The following GSDMC variants were observed in gnomAD, a reference collection of about 807,000 sequenced individuals.
GSDMC encodes the protein gasdermin-C.
Under a neutral mutation model 58.0 loss-of-function variants are expected in GSDMC, and 59 were observed. That is an observed-to-expected ratio of 1.02 (90% CI 0.82 to 1.26). The LOEUF is 1.26. Among genes scored for constraint, GSDMC ranks in the 50% most tolerant of loss-of-function variants. The pLI is 0.00. For missense variants in GSDMC, 659 were observed against 598.5 expected (o/e 1.10, Z -1.06); for synonymous variants, 241 against 220.2 (o/e 1.09, Z -0.83).
chr8:129,780,791 A>G (rs544569209), intron 1 of GSDMC, among the ~76,000 whole-genome samples: 1 of 152,366 alleles, frequency 6.6e-6, no homozygotes, highest in African/African-American at 2.4e-5. Flanking sequence ...TCTTACCTTA[A>G]GTAGAAAGGC....
intron 3 of GSDMC, among the ~76,000 whole-genome samples, chr8:129,772,075 T>C (rs926591903): frequency 2.6e-5 from 4 of 151,942 alleles, no homozygotes; most frequent in African/African-American, 2.4e-5. Context: ...CCATCCTGGC[T>C]AACACGGTGA....
At chr8:129,744,270 A>G (rs2032920774), downstream of GSDMC, among the ~76,000 whole-genome samples, 4 of 152,184 alleles carry the variant, frequency 2.6e-5, no homozygotes, top group Admixed American at 2.0e-4. Flanking sequence ...ACAGTTGTTT[A>G]GTATATTTTG....
chr8:129,755,314 A>T (rs1306354485), intron 6 of GSDMC, among the ~76,000 whole-genome samples: 2 of 152,202 alleles, frequency 1.3e-5, no homozygotes, highest in African/African-American at 4.8e-5. Context: ...ATGGCATGAC[A>T]TATTTAAATT....
In GSDMC at chr8:129,748,265, A is replaced by C. The variant is rs73712929; in HGVS notation, c.*236T>G. On this transcript the variant is annotated 3_prime_UTR_variant, in exon 14 of 14. Transcript: ENST00000276708. Reference sequence around the variant, plus strand: ...ATAGTGAAACGCTTACGTCTTTAACATACTATTTGAGGAGTTTTGACAAAT... The same window carrying C: ...ATAGTGAAACGCTTACGTCTTTAACCTACTATTTGAGGAGTTTTGACAAAT... The C allele has an allele frequency of 2.7e-6, 1 of 366,386 alleles. No individual in the cohort carries two copies. The highest frequency in any genetic ancestry group is 4.5e-5 in the Admixed American group (1 of 22,306). The allele number at this position is 366,386 out of a possible 1,614,324, so 22.7% of individuals were successfully genotyped here.
intron 1 of GSDMC, among the ~76,000 whole-genome samples, chr8:129,779,972 T>A (rs118081939): frequency 0.031 from 4,736 of 152,154 alleles, 114 homozygotes; most frequent in Middle Eastern, 0.075. Context: ...AGTTGAAAAA[T>A]ACATTGACCT....
intron 1 of GSDMC, among the ~76,000 whole-genome samples, chr8:129,779,246 C>T (rs117434487): frequency 0.018 from 2,771 of 152,170 alleles, 45 homozygotes; most frequent in Non-Finnish European, 0.029. Flanking sequence ...AAAGAAAACG[C>T]GGTACATATA....
At chr8:129,739,956 G>A in the GSDMC span, among the ~76,000 whole-genome samples, 3 of 152,194 alleles carry the variant, frequency 2.0e-5, no homozygotes, top group East Asian at 5.8e-4. Flanking sequence ...ACCAGGTGTG[G>A]AGGTGGAAGA....
intron 6 of GSDMC, among the ~76,000 whole-genome samples, chr8:129,753,132 G>A (rs2033283174): frequency 6.6e-6 from 1 of 152,226 alleles, no homozygotes; most frequent in South Asian, 2.1e-4. Context: ...GAGGACTAGA[G>A]TGACATGTGA....
the GSDMC span, among the ~76,000 whole-genome samples, chr8:129,710,097 T>C: frequency 6.6e-6 from 1 of 152,370 alleles, no homozygotes; most frequent in East Asian, 1.9e-4. Flanking sequence ...GTAAATACTA[T>C]TTTTTTCTTC....
At chr8:129,765,432 A>G (rs769161877) in intron 4 of GSDMC, among the ~76,000 whole-genome samples, 196 bp downstream of exon 4, 2 of 152,224 alleles carry the variant, frequency 1.3e-5, no homozygotes, top group Non-Finnish European at 2.9e-5. Context: ...ATAGTAAAAC[A>G]CTGTAACGGA....
chr8:129,743,095 T>C, the GSDMC span, among the ~76,000 whole-genome samples: 2 of 152,206 alleles, frequency 1.3e-5, no homozygotes, highest in Non-Finnish European at 2.9e-5. Context: ...ATAGTGTTCT[T>C]GTGTGCTTAT....
At chr8:129,731,193 T>C in the GSDMC span, among the ~76,000 whole-genome samples, 15 of 152,240 alleles carry the variant, frequency 9.9e-5, no homozygotes, top group Non-Finnish European at 1.6e-4. Context: ...TACAATGTCC[T>C]AGGACTGAGT....
intron 6 of GSDMC, among the ~76,000 whole-genome samples, chr8:129,757,818 A>G (rs1022703854): frequency 2.6e-5 from 4 of 151,902 alleles, no homozygotes; most frequent in African/African-American, 9.7e-5. Context: ...TGGTGAGACC[A>G]TGTCTCTACA....
chr8:129,781,072 A>G (rs2034392299), intron 1 of GSDMC, among the ~76,000 whole-genome samples: 1 of 152,236 alleles, frequency 6.6e-6, no homozygotes, highest in African/African-American at 2.4e-5. Context: ...AAATTGAAAT[A>G]TACCATCAGT....
At position 129,777,521 on chromosome 8, in the gene GSDMC, G is replaced by A. The variant is rs10090835; in HGVS notation, c.67C>T (p.Pro23Ser). The change falls in exon 2 of 14, where the codon CCT (proline) becomes TCT (serine). Residue 23 changes from proline (P) to serine (S), a missense_variant. Transcript: ENST00000276708. ...VKEIGSKDLT[P>S]VKYLLSATKL... is the part of the protein sequence containing the mutation. ...GTGGCACTCAATAGGTATTTGACAG[G>A]TGTCAGGTCTTTGCTTCCAATCTCT... is the stretch of plus-strand genomic sequence containing the variant. 72,753 of 1,612,714 alleles carry A rather than the reference G, an allele frequency of 0.045. 1,905 individuals are homozygous for A. The highest frequency in any genetic ancestry group is 0.054 in the Non-Finnish European group (63,821 of 1,178,806).
Position 129,749,995 on chromosome 8 carries a change from A to G in GSDMC, c.1208T>C (p.Ile403Thr). 6.3e-7 allele frequency: 1 copy of G among 1,593,226 alleles called. No homozygotes were observed. Among genetic ancestry groups the G allele is most frequent in the South Asian group, 1.2e-5 (1 of 86,384 alleles). The part of the protein sequence containing the change: ...KDPILYLLEA[I>T]MVLSDFQHDL... The stretch of plus-strand genomic sequence containing the variant: ...TTCCCTTTAATTACTCTTACCCATT[A>G]TGGCTTCAAGGAGATAAAGAATGGG... Residue 403 changes from isoleucine to threonine, a missense_variant, in exon 12 of 14, where the codon ATA becomes ACA. Ile to Thr is a moderately conservative substitution (Grantham distance 89). Transcript: ENST00000276708.
the GSDMC span, chr8:129,706,582 C>A: frequency 1.3e-5 from 2 of 152,146 alleles, no homozygotes; most frequent in Admixed American, 6.5e-5. Context: ...TGGAGCCAGG[C>A]ACTTAGCAGG....
At chr8:129,725,383 C>T in the GSDMC span, among the ~76,000 whole-genome samples, 23 of 152,254 alleles carry the variant, frequency 1.5e-4, no homozygotes, top group African/African-American at 5.3e-4. Context: ...AGCTCAATTT[C>T]CAGAGTTGAT....
chr8:129,772,068 TC>T (rs1465810130), intron 3 of GSDMC, among the ~76,000 whole-genome samples: 1 of 151,870 alleles, frequency 6.6e-6, no homozygotes, highest in Non-Finnish European at 1.5e-5. Flanking sequence ...ATCGAGACCA[TC>T]CTGGCTAACA....
Sources: gnomAD v4.1 joint callset for allele counts (sites outside exome capture counted in the v4.1 genomes callset) on GRCh38, gnomAD v4.1.1 for gene constraint, MANE v1.5 for transcripts, NCBI Gene and HGNC (gene_info 2026-07-23, HGNC 2026-07-21) for gene names.